Variants in GNAO1 observed in about 807,000 individuals in gnomAD.
The protein encoded by GNAO1 is G protein subunit alpha o1.
For synonymous variants in GNAO1, 164 were observed against 180.7 expected (o/e 0.91, Z 0.74); for missense variants, 166 against 478.7 (o/e 0.35, Z 6.10).
At chr16:56,247,080 T>C (rs1420110631) in intron 2 of GNAO1, among the ~76,000 whole-genome samples, 1 of 152,208 alleles carries the variant, frequency 6.6e-6, no homozygotes, top group Non-Finnish European at 1.5e-5. Context: ...TCTAATCCAC[T>C]GTCCACCTGA....
chr16:56,341,301 A>T (rs2037801170), intron 6 of GNAO1, among the ~76,000 whole-genome samples: 1 of 152,176 alleles, frequency 6.6e-6, no homozygotes, highest in South Asian at 2.1e-4. Context: ...CGCCGAGAAG[A>T]TGAGGGGCGG....
intron 2 of GNAO1, among the ~76,000 whole-genome samples, chr16:56,209,098 G>A (rs141601494): frequency 2.3e-4 from 35 of 151,834 alleles, no homozygotes; most frequent in Non-Finnish European, 4.0e-4. Flanking sequence ...TCTATTTCCC[G>A]CCTCTTTAAA....
intron 6 of GNAO1, among the ~76,000 whole-genome samples, chr16:56,339,515 T>A (rs367885310): frequency 4.6e-5 from 7 of 152,332 alleles, no homozygotes; most frequent in Middle Eastern, 3.4e-3. Flanking sequence ...TCAGCCATCC[T>A]CTCTGGTCAG....
At chr16:56,236,884 G>A (rs2036642320) in intron 2 of GNAO1, among the ~76,000 whole-genome samples, 1 of 152,196 alleles carries the variant, frequency 6.6e-6, no homozygotes, top group African/African-American at 2.4e-5. Context: ...GCCAAGGGCC[G>A]TGTCCCAGGA....
intron 2 of GNAO1, among the ~76,000 whole-genome samples, chr16:56,256,364 A>G (rs1377380405): frequency 6.6e-6 from 1 of 152,128 alleles, no homozygotes; most frequent in Non-Finnish European, 1.5e-5. Flanking sequence ...TTACGTGCCA[A>G]ATTCCACCCA....
intron 3 of GNAO1, among the ~76,000 whole-genome samples, chr16:56,322,816 A>AC (rs1218514001): frequency 9.2e-5 from 14 of 152,124 alleles, no homozygotes; most frequent in Admixed American, 9.2e-4. Context: ...ACACAAACTG[A>AC]CAAGAGCTGG....
intron 2 of GNAO1, among the ~76,000 whole-genome samples, chr16:56,217,032 G>T (rs1206837483): frequency 6.6e-6 from 1 of 152,226 alleles, no homozygotes; most frequent in Non-Finnish European, 1.5e-5. Flanking sequence ...GCTGAGCCTT[G>T]AGAGAGGACA....
intron 2 of GNAO1, among the ~76,000 whole-genome samples, chr16:56,233,327 G>A (rs1412605453): frequency 6.6e-6 from 1 of 152,188 alleles, no homozygotes; most frequent in African/African-American, 2.4e-5. Flanking sequence ...CACATAGTAG[G>A]TGCTTAGTAA....
intron 2 of GNAO1, among the ~76,000 whole-genome samples, chr16:56,251,051 C>A (rs1346514948): frequency 1.3e-5 from 2 of 152,222 alleles, no homozygotes; most frequent in Non-Finnish European, 2.9e-5. Flanking sequence ...ACCCCCGAGT[C>A]TAAGATCTCA....
intron 4 of GNAO1, among the ~76,000 whole-genome samples, chr16:56,332,217 A>G (rs1438646353): frequency 1.3e-5 from 2 of 152,178 alleles, no homozygotes; most frequent in East Asian, 3.9e-4. Flanking sequence ...GCAAAAGCTC[A>G]AGCCCTGACA....
chr16:56,270,687 T>C (rs1310971932), intron 2 of GNAO1: 3 of 152,186 alleles, frequency 2.0e-5, no homozygotes, highest in Non-Finnish European at 2.9e-5. Context: ...TCTCTGATTA[T>C]TATTGTTATC....
chr16:56,290,631 G>T (rs370484747), intron 3 of GNAO1, among the ~76,000 whole-genome samples: 13 of 152,128 alleles, frequency 8.5e-5, no homozygotes, highest in Non-Finnish European at 1.6e-4. Flanking sequence ...ACCTGCCCAC[G>T]CACTGTGCAG....
chr16:56,266,392 A>G (rs2143497046), intron 2 of GNAO1, among the ~76,000 whole-genome samples: 1 of 152,136 alleles, frequency 6.6e-6, no homozygotes, highest in African/African-American at 2.4e-5. Flanking sequence ...GGGCCTCTAC[A>G]CTCTTGGAAT....
intron 6 of GNAO1, among the ~76,000 whole-genome samples, chr16:56,348,921 G>A (rs1394278419): frequency 1.3e-5 from 2 of 152,172 alleles, no homozygotes; most frequent in Non-Finnish European, 2.9e-5. Flanking sequence ...TGCCACTCCT[G>A]GGACCACAGA....
intron 3 of GNAO1, among the ~76,000 whole-genome samples, chr16:56,279,430 C>G (rs1412330711): frequency 6.6e-6 from 1 of 152,210 alleles, no homozygotes; most frequent in Admixed American, 6.5e-5. Flanking sequence ...ACACCCCAGG[C>G]CCCAGCCTCA....
chr16:56,201,494 T>C (rs1203146920), intron 2 of GNAO1, among the ~76,000 whole-genome samples: 1 of 152,206 alleles, frequency 6.6e-6, no homozygotes, highest in East Asian at 1.9e-4. Context: ...ATTCTGAAGA[T>C]AATGAGATGC....
chr16:56,340,955 C>G, intron 6 of GNAO1: 1 of 1,613,650 alleles, frequency 6.2e-7, no homozygotes, highest in Non-Finnish European at 8.5e-7. Flanking sequence ...ATCAAGAAGT[C>G]CCCGCTCACC....
intron 2 of GNAO1, among the ~76,000 whole-genome samples, chr16:56,249,488 G>C (rs1227895647): frequency 6.6e-6 from 1 of 152,142 alleles, no homozygotes; most frequent in African/African-American, 2.4e-5. Context: ...TGCTGGGGAG[G>C]AGGCTGTTCT....
At chr16:56,348,018 T>C in intron 6 of GNAO1, 1 of 980,796 alleles carries the variant, frequency 1.0e-6, no homozygotes, top group Non-Finnish European at 1.2e-6. Context: ...AAAAGCCGTC[T>C]CTCTCGAGTG....
Sources: gnomAD v4.1 joint callset for allele counts (sites outside exome capture counted in the v4.1 genomes callset) on GRCh38, gnomAD v4.1.1 for gene constraint, MANE v1.5 for transcripts, NCBI Gene and HGNC (gene_info 2026-07-23, HGNC 2026-07-21) for gene names.